The following CLIC6 variants were observed in gnomAD, a reference collection of about 807,000 sequenced individuals.
CLIC6 encodes CLIC family member 6.
A neutral mutation model predicts 49.2 loss-of-function variants in CLIC6; 39 were observed. The ratio of observed to expected loss-of-function variants is 0.79; its 90% CI spans 0.61 to 1.04. The LOEUF (loss-of-function observed/expected upper bound fraction) is 1.04, where lower values mean the gene tolerates loss of function less well. Among genes scored for constraint, CLIC6 ranks in the 50% least tolerant of loss-of-function variants. The pLI is 0.00. For synonymous variants in CLIC6, 446 were observed against 433.4 expected (o/e 1.03, Z -0.36); for missense variants, 988 against 993.1 (o/e 0.99, Z 0.07).
rs534646829 is a variant in CLIC6, at chr21:34,710,116, T to TA, written c.1899+590dup. Among the ~76,000 whole-genome samples the TA allele has an allele frequency of 5.1e-4, 73 of 144,212 alleles. 1 individual carries two copies. The highest frequency in any genetic ancestry group is 2.8e-3 in the East Asian group (14 of 4,934). 94.6% of individuals were successfully genotyped at this position (144,212 alleles called of 152,430 possible). A position where few individuals can be genotyped will look rare whatever the true frequency, so the allele number is the denominator to read the frequency against. On this transcript the variant is annotated intron_variant, in intron 5 of 5. Transcript: ENST00000349499. Reference sequence around the variant, plus strand: ...AGCGAGACCCCATCTATACAAAAAATAAAAAAAAAAAATTAGCTGGGCATG... The same window carrying TA: ...AGCGAGACCCCATCTATACAAAAAATAAAAAAAAAAAAATTAGCTGGGCATG...
chr21:34,681,108 A>T (rs1427107228), intron 1 of CLIC6, among the ~76,000 whole-genome samples: 1 of 152,252 alleles, frequency 6.6e-6, no homozygotes, highest in African/African-American at 2.4e-5. Context: ...AAAGGAAAGA[A>T]GTTTAATTGA....
At position 34,669,446 on chromosome 21, in the gene CLIC6, G is replaced by T. The variant is rs935066419; in HGVS notation, c.58G>T (p.Val20Phe). The change falls in exon 1 of 6, where the codon GTC (valine) becomes TTC (phenylalanine). Residue 20 changes from valine (V) to phenylalanine (F), a missense_variant. Val to Phe is a conservative substitution (Grantham distance 50, BLOSUM62 -1). Coordinates refer to ENST00000349499, the MANE Select transcript of CLIC6 (RefSeq NM_053277.3). ...CCCGGGTCCCCAGGGGCCGCCGGAG[G>T]TCCCCGCGCCTCTGGCTGAGAGACC... ...VAPGPQGPPE[V>F]PAPLAERPGE... The T allele has an allele frequency of 7.3e-6, 9 of 1,234,114 alleles. No homozygotes were observed. In the African/African-American group the frequency reaches 1.1e-4, roughly 15 times the overall value. 76.4% of individuals were successfully genotyped at this position (1,234,114 alleles called of 1,614,324 possible). A position where few individuals can be genotyped will look rare whatever the true frequency, so the allele number is the denominator to read the frequency against.
intron 2 of CLIC6, 92 bp downstream of exon 2, chr21:34,707,481 C>A: frequency 1.7e-6 from 1 of 601,200 alleles, no homozygotes; most frequent in Non-Finnish European, 2.6e-6. Context: ...CTGAGGCCAA[C>A]GGTGCTGCAT....
At chr21:34,698,519 A>T (rs1394882467) in intron 1 of CLIC6, among the ~76,000 whole-genome samples, 1 of 151,730 alleles carries the variant, frequency 6.6e-6, no homozygotes, top group Non-Finnish European at 1.5e-5. Flanking sequence ...GGAAGGAAGG[A>T]AGCAAGGAAT....
intron 1 of CLIC6, among the ~76,000 whole-genome samples, chr21:34,706,558 G>T (rs1230981970): frequency 6.6e-6 from 1 of 152,074 alleles, no homozygotes; most frequent in Non-Finnish European, 1.5e-5. Context: ...GAACAACATT[G>T]CCACCACCCA....
At chr21:34,683,535 A>G (rs1601265232) in intron 1 of CLIC6, among the ~76,000 whole-genome samples, 1 of 152,290 alleles carries the variant, frequency 6.6e-6, no homozygotes, top group Non-Finnish European at 1.5e-5. Context: ...GGAGGGTGAT[A>G]TGGTTTGGCT....
chr21:34,700,437 A>C (rs113992270), intron 1 of CLIC6, among the ~76,000 whole-genome samples: 2 of 112,466 alleles, frequency 1.8e-5, no homozygotes, highest in Non-Finnish European at 3.6e-5. Context: ...ACAGAGCGAG[A>C]CTCCGTCTCA....
At chr21:34,716,010 G>A (rs186721120) in intron 5 of CLIC6, among the ~76,000 whole-genome samples, 1 of 152,318 alleles carries the variant, frequency 6.6e-6, no homozygotes, top group Admixed American at 6.5e-5. Context: ...AAAGTAACAG[G>A]CAACACAAAG....
At position 34,693,908 on chromosome 21, in the gene CLIC6, C is replaced by G. The variant is rs139268198; in HGVS notation, c.1375-13372C>G. ...GATTGGATCATGGAGAGAACTCCCC[C>G]CTTGCTGTTCTCTTCATAATGAGTT... On this transcript the variant is annotated intron_variant, in intron 1 of 5. Coordinates refer to ENST00000349499, the MANE Select transcript of CLIC6 (RefSeq NM_053277.3). Among the ~76,000 whole-genome samples the G allele has an allele frequency of 5.5e-3, 840 of 152,050 alleles. 8 individuals are homozygous for G. The highest frequency in any genetic ancestry group is 0.018 in the African/African-American group (757 of 41,448).
chr21:34,691,552 GAA>G (rs36126307), intron 1 of CLIC6, among the ~76,000 whole-genome samples: 2 of 146,110 alleles, frequency 1.4e-5, no homozygotes, highest in Admixed American at 6.8e-5. Flanking sequence ...CTGTGGCCAG[GAA>G]AAAAAAAAAG....
rs762898725 is a variant in CLIC6, at chr21:34,709,511, C to A, written c.1872C>A (p.Asn624Lys). ...ACGAGCTGACGCTGGCTGACTGCAA[C>A]CTCTTACCCAAGCTCCATATTATTA... is the stretch of plus-strand genomic sequence containing the variant. ...DGDELTLADC[N>K]LLPKLHIIKI... The change falls in exon 5 of 6, where the codon AAC becomes AAA. Residue 624 changes from asparagine to lysine, a missense_variant. This residue lies in a region of CLIC6 where 647 missense variants were observed against 596.9 expected (regional missense o/e 1.08). Coordinates refer to ENST00000349499, the MANE Select transcript of CLIC6 (RefSeq NM_053277.3). 6.2e-7 allele frequency: 1 copy of A among 1,613,994 alleles called. No homozygotes were observed. The highest frequency in any genetic ancestry group is 1.7e-5 in the Admixed American group (1 of 60,022).
rs2145818919 is a variant in CLIC6 at position 34,708,706 on chromosome 21, C to T, written c.1617C>T (p.Pro539=). The change falls in exon 4 of 6, where the codon CCC becomes CCT. Residue 539 remains proline, a synonymous_variant. Transcript: ENST00000349499. ...LEEKLAPPRY[P]KLGTQHPESN... is the part of the protein sequence containing the mutation. ...CAATTTTGAACTTTTCAAGGTATCC[C>T]AAGCTGGGGACCCAACATCCCGAAT... 1 of 1,613,258 alleles carries T rather than the reference C, an allele frequency of 6.2e-7. No homozygotes were observed. The highest frequency in any genetic ancestry group is 1.1e-5 in the South Asian group (1 of 91,054).
intron 1 of CLIC6, among the ~76,000 whole-genome samples, chr21:34,674,550 T>C (rs1568956628): frequency 6.6e-6 from 1 of 152,230 alleles, no homozygotes; most frequent in African/African-American, 2.4e-5. Context: ...ATGTTATTAA[T>C]TTGTCAGTTT....
chr21:34,709,234 C>G (rs533809797), intron 4 of CLIC6, 123 bp from the exon 5 acceptor site: 2 of 782,422 alleles, frequency 2.6e-6, no homozygotes, highest in African/African-American at 3.5e-5. Context: ...CTGCTGCCTT[C>G]CCAGCACCCA....
chr21:34,688,523 C>G (rs1414262257), intron 1 of CLIC6, among the ~76,000 whole-genome samples: 2 of 152,244 alleles, frequency 1.3e-5, no homozygotes, highest in Non-Finnish European at 2.9e-5. Context: ...CTGCTCTGCC[C>G]TTGTCCCTTT....
At chr21:34,709,059 T>C (rs1170261568) in intron 4 of CLIC6, among the ~76,000 whole-genome samples, 2 of 152,230 alleles carry the variant, frequency 1.3e-5, no homozygotes, top group South Asian at 2.1e-4. Context: ...GGACACACCA[T>C]GGGAATCATG....
intron 1 of CLIC6, among the ~76,000 whole-genome samples, chr21:34,677,971 A>G (rs527454281): frequency 2.6e-5 from 4 of 152,160 alleles, no homozygotes; most frequent in Non-Finnish European, 5.9e-5. Context: ...AAATATATGA[A>G]ATTCAAATTT....
intron 5 of CLIC6, among the ~76,000 whole-genome samples, chr21:34,711,160 G>A (rs967690845): frequency 9.2e-5 from 14 of 152,222 alleles, no homozygotes; most frequent in African/African-American, 3.1e-4. Context: ...TATAAGTGTA[G>A]GGGAGATGGG....
rs150507239 is a variant in CLIC6 at position 34,707,975 on chromosome 21, G to A, written c.1516G>A (p.Gly506Arg). ...CGCAGACCTGCAGAACCTGGCTCCCGGAACAAACCCTCCTTTCATGACTTT... is the reference window on the plus strand; with the variant it reads ...CGCAGACCTGCAGAACCTGGCTCCCAGAACAAACCCTCCTTTCATGACTTT... ...KPADLQNLAP[G>R]TNPPFMTFDG... Residue 506 changes from glycine (G) to arginine (R), a missense_variant, in exon 3 of 6, where the codon GGA becomes AGA. Around this residue, in one of 3 missense-constraint regions of CLIC6, gnomAD observed 647 missense variants for 596.9 expected, o/e 1.08. Coordinates refer to ENST00000349499, the MANE Select transcript of CLIC6 (RefSeq NM_053277.3). The A allele has an allele frequency of 2.2e-5, 36 of 1,613,940 alleles. No homozygotes were observed. Among genetic ancestry groups the A allele is most frequent in the East Asian group, 4.5e-5 (2 of 44,888 alleles).
Sources: allele counts gnomAD v4.1 joint callset (sites outside exome capture counted in the v4.1 genomes callset), GRCh38; gene constraint gnomAD v4.1.1; regional missense constraint gnomAD v4.1.1; transcripts MANE v1.5; gene names NCBI Gene and HGNC (gene_info 2026-07-23, HGNC 2026-07-21).